Variants in FAM186A observed in about 807,000 individuals in gnomAD.
FAM186A encodes protein FAM186A.
A neutral mutation model predicts 216.8 loss-of-function variants in FAM186A; 163 were observed. The ratio of observed to expected loss-of-function variants is 0.75; its 90% confidence interval spans 0.66 to 0.86. The LOEUF (loss-of-function observed/expected upper bound fraction) is 0.86, where lower values mean the gene tolerates loss of function less well. FAM186A is among the 40% of genes least tolerant of loss of function. FAM186A has a pLI of 0.00. For synonymous variants in FAM186A, 805 were observed against 1,025.3 expected (o/e 0.79, Z 4.10); for missense variants, 2,184 against 2,746.2 (o/e 0.80, Z 4.58).
chr12:50,372,773 G>T (rs1943153545), intron 1 of FAM186A, among the ~76,000 whole-genome samples: 1 of 150,684 alleles, frequency 6.6e-6, no homozygotes, highest in Admixed American at 6.7e-5. Context: ...ATATTGGTGG[G>T]TGACTGTAAT....
intron 4 of FAM186A, among the ~76,000 whole-genome samples, chr12:50,341,930 A>G (rs1035493175): frequency 6.6e-6 from 1 of 152,222 alleles, no homozygotes; most frequent in Admixed American, 6.6e-5. Flanking sequence ...GCCAAACCTT[A>G]AAAGAACAGC....
intron 1 of FAM186A, 86 bp downstream of exon 1, chr12:50,396,207 G>C: frequency 1.6e-6 from 2 of 1,276,014 alleles, no homozygotes; most frequent in East Asian, 2.6e-5. Context: ...TCATGAAAGT[G>C]ATTTCTAAAA....
chr12:50,327,397 T>C lies in FAM186A; in HGVS notation c.7042A>G (p.Lys2348Glu). The stretch of plus-strand genomic sequence containing the variant: ...TAATTTTACAGTCATTTGGGAATCT[T>C]CTTAACCCTGGAAATGAGACAAGAA... Reference protein sequence around the residue: ...SLASLQSRVKKIPK With the variant: ...SLASLQSRVKEIPK The change falls in exon 8 of 8, where the codon AAG becomes GAG. Residue 2348 changes from lysine to glutamate, a missense_variant. This residue lies in a region of FAM186A where 721 missense variants were observed against 816.4 expected (regional missense o/e 0.88). Transcript: ENST00000327337. The C allele has an allele frequency of 6.5e-7, 1 of 1,547,674 alleles. No homozygotes were observed. Among genetic ancestry groups the C allele is most frequent in the Non-Finnish European group, 8.7e-7 (1 of 1,144,356 alleles).
At chr12:50,383,886 G>A (rs1313052133) in intron 1 of FAM186A, among the ~76,000 whole-genome samples, 2 of 152,072 alleles carry the variant, frequency 1.3e-5, no homozygotes, top group Admixed American at 6.6e-5. Context: ...TTGGGAGGCC[G>A]AGGCAGGCGG....
chr12:50,364,414 T>C (rs1431511527), intron 1 of FAM186A, among the ~76,000 whole-genome samples: 1 of 151,080 alleles, frequency 6.6e-6, no homozygotes, highest in Admixed American at 6.6e-5. Context: ...AAAAATTAGC[T>C]GGGCGTGGTG....
At chr12:50,373,071 GAAAGAGA>G (rs1943164661) in intron 1 of FAM186A, among the ~76,000 whole-genome samples, 10 of 144,060 alleles carry the variant, frequency 6.9e-5, no homozygotes, top group Admixed American at 1.4e-4. Context: ...AAGAAAGAAA[GAAAGAGA>G]AAAGAAAGAA....
chr12:50,390,556 T>G (rs1430145018), intron 1 of FAM186A, among the ~76,000 whole-genome samples: 1 of 152,214 alleles, frequency 6.6e-6, no homozygotes. Flanking sequence ...TAGGTCAGTG[T>G]GAGTCAGACT....
At position 50,353,141 on chromosome 12, in the gene FAM186A, G is replaced by C; in HGVS notation, c.3691C>G (p.Leu1231Val). 3 of 1,500,298 alleles carry C rather than the reference G, an allele frequency of 2.0e-6. No homozygotes were observed. Among genetic ancestry groups the C allele is most frequent in the Non-Finnish European group, 2.7e-6 (3 of 1,116,284 alleles). The allele number at this position is 1,500,298 out of a possible 1,614,324, so 92.9% of individuals were successfully genotyped here. A position where few individuals can be genotyped will look rare whatever the true frequency, so the allele number is the denominator to read the frequency against. Residue 1231 changes from leucine to valine, a missense_variant, in exon 4 of 8, where the codon CTA (leucine) becomes GTA (valine). This residue lies in a region of FAM186A where 267 missense variants were observed against 446.2 expected (regional missense o/e 0.60). Coordinates refer to ENST00000327337, the MANE Select transcript of FAM186A (RefSeq NM_001145475.3). ...AATTGCTGGGCCTGCTGAAGGGTTA[G>C]AGTGATCCCCAGGGCCTGGGCCTGC... ...PQQAQALGIT[L>V]TLQQAQQLGI...
intron 5 of FAM186A, among the ~76,000 whole-genome samples, chr12:50,333,049 TAATAA>T (rs1412690746): frequency 2.0e-5 from 3 of 151,782 alleles, no homozygotes; most frequent in African/African-American, 7.2e-5. Flanking sequence ...AATAAATAAA[TAATAA>T]AATAAAATAT....
chr12:50,346,062 C>T (rs2138768314), intron 4 of FAM186A, among the ~76,000 whole-genome samples: 1 of 144,284 alleles, frequency 6.9e-6, no homozygotes, highest in South Asian at 2.3e-4. Context: ...GTCCCAGCTA[C>T]TCAGGAGGCT....
At chr12:50,367,283 C>G (rs1220042458) in intron 1 of FAM186A, among the ~76,000 whole-genome samples, 3 of 151,952 alleles carry the variant, frequency 2.0e-5, no homozygotes, top group African/African-American at 7.2e-5. Flanking sequence ...CTTTGGGAGG[C>G]CGAGGCAGGC....
chr12:50,356,930 C>T (rs933168188), intron 3 of FAM186A, among the ~76,000 whole-genome samples: 8 of 151,878 alleles, frequency 5.3e-5, no homozygotes, highest in African/African-American at 1.9e-4. Flanking sequence ...ACTCGGGAGG[C>T]GGAGGTTGCA....
At chr12:50,367,645 A>G (rs548360654) in intron 1 of FAM186A, among the ~76,000 whole-genome samples, 2 of 151,978 alleles carry the variant, frequency 1.3e-5, no homozygotes, top group African/African-American at 4.8e-5. Flanking sequence ...AAAACTCTAT[A>G]TATGTAGAAA....
rs575333142 is a variant in FAM186A at position 50,335,847 on chromosome 12, CG to C, written c.6504-1745del. Among the ~76,000 whole-genome samples the C allele has an allele frequency of 1.2e-3, 178 of 152,058 alleles. 2 individuals are homozygous for C. The highest frequency in any genetic ancestry group is 4.1e-3 in the African/African-American group (170 of 41,502). ...TTAATTCCAGTAAGGGTAATAAGGC[CG>C]GGCGCAGTGGCTCATGCCTGTAATC... On this transcript the variant is annotated intron_variant, in intron 4 of 7. Transcript: ENST00000327337.
chr12:50,364,867 G>A lies in FAM186A; in HGVS notation c.193-1503C>T, dbSNP rs149412792. On this transcript the variant is annotated intron_variant, in intron 1 of 7. Coordinates refer to ENST00000327337, the MANE Select transcript of FAM186A (RefSeq NM_001145475.3). ...AGCCTGGCCAGCATGGTGAAACCCC[G>A]TCTTTACTAAAAATACAAAAAATAG... is the stretch of plus-strand genomic sequence containing the variant. 8.1e-3 allele frequency among the ~76,000 whole-genome samples: 1,221 copies of A among 151,608 alleles called. 22 individuals are homozygous for A. Among genetic ancestry groups the A allele is most frequent in the Non-Finnish European group, 7.9e-3 (538 of 67,890 alleles).
Position 50,355,364 on chromosome 12 carries a change from G to A in FAM186A, c.1468C>T (p.Pro490Ser), listed in dbSNP as rs1942963122. The A allele has an allele frequency of 1.3e-6, 2 of 1,551,216 alleles. No homozygotes were observed. The highest frequency in any genetic ancestry group is 1.2e-5 in the South Asian group (1 of 84,046). The change falls in exon 4 of 8, where the codon CCT (proline) becomes TCT (serine). Residue 490 changes from proline (P) to serine (S), a missense_variant. Coordinates refer to ENST00000327337, the MANE Select transcript of FAM186A (RefSeq NM_001145475.3). ...KSGQKVSEAK[P>S]SQYYELQVLK... Reference sequence around the variant, plus strand: ...ACTTGTAGCTCATAGTATTGACTAGGTTTGGCCTCTGAGACTTTCTGTCCA... The same window carrying A: ...ACTTGTAGCTCATAGTATTGACTAGATTTGGCCTCTGAGACTTTCTGTCCA...
chr12:50,380,807 G>A (rs538882261), intron 1 of FAM186A, among the ~76,000 whole-genome samples: 13 of 152,166 alleles, frequency 8.5e-5, no homozygotes, highest in East Asian at 5.8e-4. Context: ...GGCTCCTTTC[G>A]CCCATTCAGC....
At chr12:50,331,579 A>G (rs1592595310) in intron 6 of FAM186A, 91 bp downstream of exon 6, 4 of 1,228,524 alleles carry the variant, frequency 3.3e-6, no homozygotes, top group East Asian at 2.6e-5. Flanking sequence ...CCATTTGATA[A>G]TTGTGGAGAA....
At chr12:50,328,960 A>C (rs1308699805) in intron 7 of FAM186A, among the ~76,000 whole-genome samples, 1 of 152,126 alleles carries the variant, frequency 6.6e-6, no homozygotes, top group Non-Finnish European at 1.5e-5. Flanking sequence ...TACTAAAAAT[A>C]CAAAAAAAAT....
Sources: allele counts gnomAD v4.1 joint callset (sites outside exome capture counted in the v4.1 genomes callset), GRCh38; gene constraint gnomAD v4.1.1; regional missense constraint gnomAD v4.1.1; transcripts MANE v1.5; gene names NCBI Gene and HGNC (gene_info 2026-07-23, HGNC 2026-07-21).